NCAM2: variants seen among roughly 807,000 people sequenced by gnomAD.
NCAM2 encodes the protein N-CAM-2.
In NCAM2, 30 loss-of-function variants were observed where a neutral mutation model predicts 98.1. That is an observed-to-expected ratio of 0.31 (90% CI 0.23 to 0.41). The LOEUF is 0.41. NCAM2 is among the 10% of genes least tolerant of loss of function. The pLI, the probability that NCAM2 is intolerant of heterozygous loss-of-function variation, is 1.00. For synonymous variants in NCAM2, 368 were observed against 342.4 expected (o/e 1.07, Z -0.83); for missense variants, 867 against 1,005.8 (o/e 0.86, Z 1.87).
chr21:21,437,335 CACA>C lies in NCAM2; in HGVS notation c.1654+5058_1654+5060del, dbSNP rs1387100507. ...CCACTGGGGCATGCCAGAAATTCCA[CACA>C]ACATTTCTTCCAACCTCTATTGTAT... On this transcript the variant is annotated intron_variant, in intron 12 of 17. Coordinates refer to ENST00000400546, the MANE Select transcript of NCAM2 (RefSeq NM_004540.5). Among the ~76,000 whole-genome samples, 18 of 152,226 alleles carry C rather than the reference CACA, an allele frequency of 1.2e-4. No individual in the cohort carries two copies. In the East Asian group the frequency reaches 3.5e-3, roughly 29 times the overall value.
chr21:21,333,158 T>C (rs998155236), intron 6 of NCAM2, among the ~76,000 whole-genome samples: 7 of 152,124 alleles, frequency 4.6e-5, no homozygotes, highest in African/African-American at 1.7e-4. Flanking sequence ...CCTGACTTTA[T>C]TGGGAGGGAG....
intron 1 of NCAM2, among the ~76,000 whole-genome samples, chr21:21,033,423 A>C (rs2064730707): frequency 6.6e-6 from 1 of 152,256 alleles, no homozygotes; most frequent in African/African-American, 2.4e-5. Context: ...ATTAGCTTGC[A>C]TATATAGTCA....
In NCAM2 at chr21:21,367,736, A is replaced by G. The variant is rs142967596; in HGVS notation, c.1045-6127A>G. On this transcript the variant is annotated intron_variant, in intron 8 of 17. Transcript: ENST00000400546. ...ATTCACTCATTTAATCTGCATAGGT[A>G]TCCTTTGAAATCTGTATTCTTATCA... Among the ~76,000 whole-genome samples, 82 of 152,104 alleles carry G rather than the reference A, an allele frequency of 5.4e-4. No homozygotes were observed. In the East Asian group the frequency reaches 0.015, roughly 28 times the overall value.
chr21:21,118,202 C>A (rs887818554), intron 1 of NCAM2, among the ~76,000 whole-genome samples: 1 of 152,174 alleles, frequency 6.6e-6, no homozygotes, highest in African/African-American at 2.4e-5. Flanking sequence ...GAATGCATCA[C>A]CTTTTTCTTG....
chr21:21,135,236 A>C (rs1327197763), intron 1 of NCAM2, among the ~76,000 whole-genome samples: 3 of 101,052 alleles, frequency 3.0e-5, no homozygotes, highest in East Asian at 3.0e-4. Flanking sequence ...ACAGAGTGAG[A>C]CTCCATCTCA....
At chr21:21,221,465 G>C (rs923631266) in intron 1 of NCAM2, among the ~76,000 whole-genome samples, 4 of 10,360 alleles carry the variant, frequency 3.9e-4, no homozygotes, top group Non-Finnish European at 7.4e-4. Flanking sequence ...GAGAGTTTTG[G>C]AGGAAACTAA....
intron 1 of NCAM2, among the ~76,000 whole-genome samples, chr21:21,234,439 C>A (rs2070742323): frequency 6.6e-6 from 1 of 151,872 alleles, no homozygotes. Flanking sequence ...TATACACTTA[C>A]ATTTTAATTA....
At chr21:21,249,998 C>T (rs1050596662) in intron 1 of NCAM2, among the ~76,000 whole-genome samples, 2 of 152,114 alleles carry the variant, frequency 1.3e-5, no homozygotes, top group African/African-American at 4.8e-5. Flanking sequence ...AGAACCACTG[C>T]CCTCAGGTCC....
At chr21:21,480,324 G>A (rs1234226864) in intron 15 of NCAM2, among the ~76,000 whole-genome samples, 3 of 137,916 alleles carry the variant, frequency 2.2e-5, no homozygotes, top group East Asian at 2.1e-4. Flanking sequence ...CCGAGATGGC[G>A]CCACTGCACT....
At chr21:21,002,988 A>G (rs1266041641) in intron 1 of NCAM2, among the ~76,000 whole-genome samples, 3 of 152,134 alleles carry the variant, frequency 2.0e-5, no homozygotes, top group African/African-American at 7.2e-5. Context: ...TAAATGTAAA[A>G]TTCCTGCACT....
chr21:21,386,720 A>T (rs2076278513), intron 9 of NCAM2, among the ~76,000 whole-genome samples: 1 of 152,164 alleles, frequency 6.6e-6, no homozygotes, highest in African/African-American at 2.4e-5. Flanking sequence ...GTGTTATTTG[A>T]TTCAGATCAG....
chr21:21,092,425 GA>G lies in NCAM2; in HGVS notation c.55+93809del, dbSNP rs202114994. ...TACAAATTCTATGGCTAGTTTAGAA[GA>G]ATTTACTGAATGAATAATATTATTA... is the stretch of plus-strand genomic sequence containing the variant. On this transcript the variant is annotated intron_variant, in intron 1 of 17. Transcript: ENST00000400546. 4.8e-3 allele frequency among the ~76,000 whole-genome samples: 723 copies of G among 151,896 alleles called. 5 individuals carry two copies. The highest frequency in any genetic ancestry group is 0.033 in the East Asian group (172 of 5,172).
intron 11 of NCAM2, among the ~76,000 whole-genome samples, chr21:21,420,070 G>T (rs997109865): frequency 3.9e-5 from 6 of 151,906 alleles, no homozygotes; most frequent in Non-Finnish European, 7.4e-5. Context: ...AGTAAAGAGA[G>T]AATCCTGATG....
intron 1 of NCAM2, among the ~76,000 whole-genome samples, chr21:21,233,354 T>A (rs1478929794): frequency 6.6e-6 from 1 of 151,682 alleles, no homozygotes; most frequent in African/African-American, 2.4e-5. Flanking sequence ...TTTATGTCAT[T>A]TAAACTGGAG....
At chr21:21,299,889 A>G (rs965960631) in intron 5 of NCAM2, among the ~76,000 whole-genome samples, 3 of 151,932 alleles carry the variant, frequency 2.0e-5, no homozygotes, top group African/African-American at 7.2e-5. Flanking sequence ...AAGTCCCTTT[A>G]TGTAAAAAGG....
chr21:21,050,143 A>T (rs886293951), intron 1 of NCAM2, among the ~76,000 whole-genome samples: 1 of 152,082 alleles, frequency 6.6e-6, no homozygotes, highest in South Asian at 2.1e-4. Context: ...GTGCAAAAAA[A>T]AAAAAGGTTT....
intron 1 of NCAM2, among the ~76,000 whole-genome samples, chr21:21,241,310 G>GA (rs35277347): frequency 1 from 152,135 of 152,140 alleles, 76,065 homozygotes; most frequent in Middle Eastern, 1. Context: ...ATTTATCAAT[G>GA]AAAAAATCCT....
At chr21:21,073,404 A>G (rs1180000797) in intron 1 of NCAM2, among the ~76,000 whole-genome samples, 2 of 152,316 alleles carry the variant, frequency 1.3e-5, no homozygotes, top group African/African-American at 4.8e-5. Flanking sequence ...ACAGATCACA[A>G]TATTTAATCA....
At chr21:21,180,851 G>A (rs2068446006) in intron 1 of NCAM2, among the ~76,000 whole-genome samples, 1 of 152,150 alleles carries the variant, frequency 6.6e-6, no homozygotes, top group Non-Finnish European at 1.5e-5. Flanking sequence ...GCCTCAAACT[G>A]TACCAATGCT....
Sources: gnomAD v4.1 joint callset for allele counts (sites outside exome capture counted in the v4.1 genomes callset) on GRCh38, gnomAD v4.1.1 for gene constraint, MANE v1.5 for transcripts, NCBI Gene and HGNC (gene_info 2026-07-23, HGNC 2026-07-21) for gene names.